The following CLSTN2 variants were observed in gnomAD, a reference collection of about 807,000 sequenced individuals.
CLSTN2 encodes calsyntenin-2.
Under a neutral mutation model 101.2 loss-of-function variants are expected in CLSTN2, and 48 were observed. The observed-to-expected ratio is 0.47, with a 90% confidence interval of 0.38 to 0.60. CLSTN2 has a LOEUF of 0.60. Among genes scored for constraint, CLSTN2 ranks in the 20% least tolerant of loss-of-function variants. The pLI, the probability that CLSTN2 is intolerant of heterozygous loss-of-function variation, is 0.00. For synonymous variants in CLSTN2, 481 were observed against 463.6 expected (o/e 1.04, Z -0.48); for missense variants, 1,160 against 1,238.2 (o/e 0.94, Z 0.95).
At chr3:140,358,435 C>T (rs966729926) in intron 2 of CLSTN2, among the ~76,000 whole-genome samples, 6 of 152,088 alleles carry the variant, frequency 3.9e-5, no homozygotes, top group African/African-American at 1.4e-4. Context: ...AGACCTACCA[C>T]ACTGTAGTAT....
At chr3:140,446,766 A>C (rs6439921) in intron 5 of CLSTN2, among the ~76,000 whole-genome samples, 1 of 152,040 alleles carries the variant, frequency 6.6e-6, no homozygotes, top group East Asian at 1.9e-4. Flanking sequence ...CCCCCAATGC[A>C]TTTGTCCTTG....
chr3:139,939,075 A>G (rs1935079439), intron 1 of CLSTN2, among the ~76,000 whole-genome samples: 1 of 152,190 alleles, frequency 6.6e-6, no homozygotes, highest in African/African-American at 2.4e-5. Context: ...AAAGTATAGT[A>G]TTGACTGTGA....
At chr3:140,009,263 TA>T (rs1399364753) in intron 1 of CLSTN2, among the ~76,000 whole-genome samples, 2 of 152,218 alleles carry the variant, frequency 1.3e-5, no homozygotes, top group African/African-American at 4.8e-5. Context: ...TGTCGATCTT[TA>T]AAACTGACCT....
At chr3:140,491,855 A>G (rs975908854) in intron 8 of CLSTN2, among the ~76,000 whole-genome samples, 2 of 152,176 alleles carry the variant, frequency 1.3e-5, no homozygotes, top group Non-Finnish European at 2.9e-5. Context: ...TAGTTTAAAT[A>G]AAAATATTAA....
At chr3:140,314,527 G>T (rs1450552517) in intron 2 of CLSTN2, among the ~76,000 whole-genome samples, 1 of 152,066 alleles carries the variant, frequency 6.6e-6, no homozygotes, top group African/African-American at 2.4e-5. Flanking sequence ...GAGTGGTAGA[G>T]TTAGATGCTC....
At chr3:140,085,571 G>C (rs1268422758) in intron 1 of CLSTN2, among the ~76,000 whole-genome samples, 1 of 152,086 alleles carries the variant, frequency 6.6e-6, no homozygotes. Context: ...AATTTACTAT[G>C]GCTAGAGAGC....
chr3:140,557,884 G>C (rs1158746097), intron 11 of CLSTN2, among the ~76,000 whole-genome samples: 1 of 152,210 alleles, frequency 6.6e-6, no homozygotes, highest in Non-Finnish European at 1.5e-5. Flanking sequence ...TGCTTACTGA[G>C]CTCAAACCAT....
chr3:140,186,181 T>C (rs886067536), intron 2 of CLSTN2, among the ~76,000 whole-genome samples: 2 of 152,110 alleles, frequency 1.3e-5, no homozygotes, highest in Non-Finnish European at 2.9e-5. Flanking sequence ...GCAATCATCA[T>C]AGCAAAATCA....
intron 4 of CLSTN2, among the ~76,000 whole-genome samples, chr3:140,407,825 G>T (rs759637405): frequency 3.9e-5 from 6 of 152,316 alleles, no homozygotes; most frequent in Admixed American, 1.3e-4. Flanking sequence ...TGTCACAGTG[G>T]TGATAGAGCT....
At chr3:140,007,014 G>A (rs1478798404) in intron 1 of CLSTN2, among the ~76,000 whole-genome samples, 4 of 152,074 alleles carry the variant, frequency 2.6e-5, no homozygotes, top group African/African-American at 7.2e-5. Flanking sequence ...CAAGATTAGC[G>A]TTACTGATTT....
intron 2 of CLSTN2, among the ~76,000 whole-genome samples, chr3:140,192,481 TTTAGTACATACACATTG>T (rs1161731546): frequency 1.3e-5 from 2 of 151,890 alleles, no homozygotes; most frequent in Non-Finnish European, 2.9e-5. Flanking sequence ...AGCTCTGTTG[TTTAGTACATACACATTG>T]AGAATTGCTG....
intron 2 of CLSTN2, among the ~76,000 whole-genome samples, chr3:140,210,822 G>A (rs1182656599): frequency 6.6e-6 from 1 of 152,010 alleles, no homozygotes. Flanking sequence ...TAACTCTTGA[G>A]GTGGGATTTG....
rs1935003442 is a variant in CLSTN2 at position 139,935,487 on chromosome 3, G to A, written c.109+4G>A. 1.6e-6 allele frequency: 2 copies of A among 1,223,126 alleles called. No individual in the cohort carries two copies. Among genetic ancestry groups the A allele is most frequent in the Non-Finnish European group, 2.0e-6 (2 of 979,102 alleles). The allele number at this position is 1,223,126 out of a possible 1,614,324, so 75.8% of individuals were successfully genotyped here. On this transcript the variant is annotated splice_donor_region_variant and intron_variant, in intron 1 of 16. Coordinates refer to ENST00000458420, the MANE Select transcript of CLSTN2 (RefSeq NM_022131.3). The surrounding 1 kb of genome is among the most constrained non-coding windows in gnomAD (Gnocchi z 5.5). ...CGCCGCCTCCTCGCGGCTAAAGGTG[G>A]GTGCTGGGGAAGTTTGCTCTTCTCC...
At chr3:140,537,697 G>T (rs984928000) in intron 9 of CLSTN2, among the ~76,000 whole-genome samples, 1 of 152,162 alleles carries the variant, frequency 6.6e-6, no homozygotes, top group Non-Finnish European at 1.5e-5. Flanking sequence ...CAACGTAAAA[G>T]ATCATTTAAA....
At chr3:140,373,814 G>A (rs1270256828) in intron 2 of CLSTN2, among the ~76,000 whole-genome samples, 1 of 152,192 alleles carries the variant, frequency 6.6e-6, no homozygotes, top group Non-Finnish European at 1.5e-5. Context: ...GGAGGGGACA[G>A]GGTCAAAGCA....
rs577565821 is a variant in CLSTN2 at position 140,352,170 on chromosome 3, T to C, written c.233-51459T>C. On this transcript the variant is annotated intron_variant, in intron 2 of 16. Transcript: ENST00000458420. ...GCTGTGACATTTAAAAGAGATGAGG[T>C]ATTTACCAATACTCAGTAAGTGATA... 3.3e-5 allele frequency among the ~76,000 whole-genome samples: 5 copies of C among 152,320 alleles called. No homozygotes were observed. The South Asian group carries it at 1.0e-3, about 32-fold the overall frequency.
intron 2 of CLSTN2, among the ~76,000 whole-genome samples, chr3:140,381,678 A>G (rs2087986930): frequency 1.3e-5 from 2 of 152,182 alleles, no homozygotes; most frequent in African/African-American, 2.4e-5. Context: ...CCTTGACTCC[A>G]TAGGGCAGAG....
chr3:140,263,894 A>G (rs945454996), intron 2 of CLSTN2, among the ~76,000 whole-genome samples: 9 of 152,174 alleles, frequency 5.9e-5, no homozygotes, highest in African/African-American at 2.2e-4. Context: ...TGTTATAAGT[A>G]CCATATTTAA....
chr3:140,018,823 T>G (rs1021795753), intron 1 of CLSTN2, among the ~76,000 whole-genome samples: 3 of 152,180 alleles, frequency 2.0e-5, no homozygotes, highest in Non-Finnish European at 2.9e-5. Flanking sequence ...TAAGTAAACA[T>G]TAAGTACTCA....
Sources: allele counts gnomAD v4.1 joint callset (sites outside exome capture counted in the v4.1 genomes callset), GRCh38; gene constraint gnomAD v4.1.1; non-coding constraint Gnocchi (gnomAD v3.1); transcripts MANE v1.5; gene names NCBI Gene and HGNC (gene_info 2026-07-23, HGNC 2026-07-21).